Variants in SBF2 observed in about 807,000 individuals in gnomAD.
The protein encoded by SBF2 is myotubularin-related protein 13.
SBF2 carries 112 observed loss-of-function variants against 225.2 expected under a neutral mutation model. The ratio of observed to expected loss-of-function variants is 0.50; its 90% CI spans 0.43 to 0.58. The LOEUF (loss-of-function observed/expected upper bound fraction) is 0.58. SBF2 is among the 20% of genes least tolerant of loss of function. The pLI is 0.00. For synonymous variants in SBF2, 763 were observed against 773.3 expected (o/e 0.99, Z 0.22); for missense variants, 1,996 against 2,206.2 (o/e 0.90, Z 1.91).
intron 1 of SBF2, among the ~76,000 whole-genome samples, chr11:10,212,167 C>T (rs1957964969): frequency 6.6e-6 from 1 of 152,208 alleles, no homozygotes; most frequent in Non-Finnish European, 1.5e-5. Context: ...TTTGGGGATT[C>T]TTCCACTTGT....
chr11:9,989,427 C>A (rs984595556), intron 13 of SBF2, 70 bp downstream of exon 13: 2 of 996,110 alleles, frequency 2.0e-6, no homozygotes, highest in South Asian at 1.4e-5. Context: ...ACACCCGTAC[C>A]CCAATAACTT....
intron 2 of SBF2, among the ~76,000 whole-genome samples, chr11:10,112,771 A>C (rs145186691): frequency 6.6e-6 from 1 of 152,348 alleles, no homozygotes; most frequent in East Asian, 1.9e-4. Context: ...TTATAAGTGC[A>C]TTAAAGAAAA....
At chr11:9,862,516 C>A (rs1050700110) in intron 17 of SBF2, among the ~76,000 whole-genome samples, 1 of 152,118 alleles carries the variant, frequency 6.6e-6, no homozygotes, top group African/African-American at 2.4e-5. Context: ...CAGATGGGAA[C>A]AGAAATAAAG....
intron 2 of SBF2, among the ~76,000 whole-genome samples, chr11:10,044,134 AAGTT>A (rs1389689335): frequency 1.3e-5 from 2 of 152,166 alleles, no homozygotes; most frequent in Non-Finnish European, 2.9e-5. Context: ...AAGAAAATAA[AAGTT>A]AGAATTGAAA....
At chr11:9,908,238 T>C (rs1050001575) in intron 16 of SBF2, among the ~76,000 whole-genome samples, 9 of 152,254 alleles carry the variant, frequency 5.9e-5, no homozygotes, top group African/African-American at 2.2e-4. Context: ...TTTATCTCTA[T>C]ATTTAGGAAT....
At position 9,915,037 on chromosome 11, in the gene SBF2, T is replaced by C. The variant is rs147461856; in HGVS notation, c.1861-19026A>G. On this transcript the variant is annotated intron_variant, in intron 16 of 39. Coordinates refer to ENST00000256190, the MANE Select transcript of SBF2 (RefSeq NM_030962.4). Reference sequence around the variant, plus strand: ...ATTAAAAAGAAAAAGAATATAAGGCTTCAAAAATTAAAAGACAAGTGGAGA... The same window carrying C: ...ATTAAAAAGAAAAAGAATATAAGGCCTCAAAAATTAAAAGACAAGTGGAGA... 9.9e-5 allele frequency among the ~76,000 whole-genome samples: 15 copies of C among 152,052 alleles called. No homozygotes were observed. In the East Asian group the frequency reaches 2.9e-3, roughly 29 times the overall value.
chr11:10,060,214 GA>G (rs1345793047), intron 2 of SBF2, among the ~76,000 whole-genome samples: 2 of 152,066 alleles, frequency 1.3e-5, no homozygotes, highest in Admixed American at 1.3e-4. Flanking sequence ...TGAACCCACA[GA>G]AACAAAAATA....
At chr11:9,790,727 A>G (rs1852686905) in intron 33 of SBF2, 44 bp from the exon 34 acceptor site, 3 of 1,490,466 alleles carry the variant, frequency 2.0e-6, no homozygotes, top group South Asian at 1.2e-5. Flanking sequence ...AAATAAATTC[A>G]CACTTTGCCA....
chr11:9,985,075 C>G (rs115209100), intron 13 of SBF2, among the ~76,000 whole-genome samples: 1 of 152,122 alleles, frequency 6.6e-6, no homozygotes, highest in Non-Finnish European at 1.5e-5. Context: ...ACGAAGAGCA[C>G]GATGAAAGCA....
chr11:9,853,088 C>T (rs1322493403), intron 20 of SBF2, among the ~76,000 whole-genome samples: 1 of 152,192 alleles, frequency 6.6e-6, no homozygotes, highest in Non-Finnish European at 1.5e-5. Flanking sequence ...GAATGAAATT[C>T]TGATACATGC....
rs139770393 is a variant in SBF2 at position 9,872,149 on chromosome 11, T to C, written c.1930-13753A>G. ...GAAACTATGCAGCCATGAAAAGGAA[T>C]GAGATCATGATCTTTGCAGGGATAT... On this transcript the variant is annotated intron_variant, in intron 17 of 39. Transcript: ENST00000256190. Among the ~76,000 whole-genome samples the C allele has an allele frequency of 4.8e-3, 726 of 152,300 alleles. 3 individuals are homozygous for C. The highest frequency in any genetic ancestry group is 0.016 in the African/African-American group (673 of 41,554).
chr11:10,036,995 A>G (rs1200744835), intron 3 of SBF2, among the ~76,000 whole-genome samples: 1 of 152,184 alleles, frequency 6.6e-6, no homozygotes, highest in Non-Finnish European at 1.5e-5. Flanking sequence ...TAATCCCAAA[A>G]GTTTCTCCTG....
At chr11:9,913,174 T>C (rs1862786275) in intron 16 of SBF2, among the ~76,000 whole-genome samples, 1 of 152,070 alleles carries the variant, frequency 6.6e-6, no homozygotes, top group African/African-American at 2.4e-5. Context: ...GTCTCAGCTA[T>C]TCAGGAGGTT....
chr11:10,203,780 A>G (rs946188210), intron 1 of SBF2, among the ~76,000 whole-genome samples: 1 of 148,718 alleles, frequency 6.7e-6, no homozygotes, highest in African/African-American at 2.5e-5. Context: ...CACTACAAGG[A>G]AAAAAAGGTT....
chr11:9,883,133 CA>C (rs1213733952), intron 17 of SBF2, among the ~76,000 whole-genome samples: 3 of 151,294 alleles, frequency 2.0e-5, no homozygotes, highest in Admixed American at 6.6e-5. Context: ...GACTCTGTCT[CA>C]AAAAAACAAA....
intron 2 of SBF2, among the ~76,000 whole-genome samples, chr11:10,142,383 AT>A (rs1405868869): frequency 6.6e-6 from 1 of 152,166 alleles, no homozygotes; most frequent in East Asian, 1.9e-4. Context: ...CTCACAACTA[AT>A]TTAAAAATTG....
chr11:9,932,748 T>C (rs1828585205), intron 16 of SBF2, among the ~76,000 whole-genome samples: 2 of 152,024 alleles, frequency 1.3e-5, no homozygotes, highest in South Asian at 2.1e-4. Flanking sequence ...CCAGCTAGCA[T>C]CATAATGATA....
chr11:10,292,185 G>A (rs1176607978), intron 1 of SBF2, among the ~76,000 whole-genome samples: 1 of 152,218 alleles, frequency 6.6e-6, no homozygotes, highest in Non-Finnish European at 1.5e-5. Flanking sequence ...CTGAGAACTA[G>A]ATGGAGTACT....
chr11:9,828,060 T>C, intron 28 of SBF2: 1 of 917,720 alleles, frequency 1.1e-6, no homozygotes, highest in Non-Finnish European at 1.5e-6. Context: ...ATATCAACTA[T>C]CTAGAAAAAT....
Sources: allele counts gnomAD v4.1 joint callset (sites outside exome capture counted in the v4.1 genomes callset), GRCh38; gene constraint gnomAD v4.1.1; transcripts MANE v1.5; gene names NCBI Gene and HGNC (gene_info 2026-07-23, HGNC 2026-07-21).